The following BDP1 variants were observed in gnomAD, a reference collection of about 807,000 sequenced individuals.
BDP1 encodes the protein BDP1 general transcription factor IIIB subunit, also known as transcription factor TFIIIB component B'' homolog.
Under a neutral mutation model 266.6 loss-of-function variants are expected in BDP1, and 169 were observed. The ratio of observed to expected loss-of-function variants is 0.63; its 90% CI spans 0.56 to 0.72. BDP1 has a LOEUF of 0.72. Ranked by LOEUF, BDP1 falls within the 30% of genes least tolerant of loss-of-function variation. BDP1 has a pLI of 0.00. For synonymous variants in BDP1, 1,090 were observed against 1,022.4 expected (o/e 1.07, Z -1.26); for missense variants, 3,015 against 3,053.8 (o/e 0.99, Z 0.30).
At chr5:71,463,369 C>T (rs1330216109) in intron 3 of BDP1, among the ~76,000 whole-genome samples, 5 of 152,112 alleles carry the variant, frequency 3.3e-5, no homozygotes, top group African/African-American at 4.8e-5. Flanking sequence ...CTCAGCATAG[C>T]CCTTTTTCAG....
rs540793877 is a variant in BDP1 at position 71,513,780 on chromosome 5, C to T, written c.4470+373C>T. On this transcript the variant is annotated intron_variant, in intron 19 of 38. Transcript: ENST00000358731. ...CTGTTCCCAGGCTGGAGTGCAGTGG[C>T]GCGATCTCGGCTCACTGCAACTTCC... 1.3e-4 allele frequency among the ~76,000 whole-genome samples: 19 copies of T among 151,852 alleles called. No individual in the cohort carries two copies. In the South Asian group the frequency reaches 3.1e-3, roughly 25 times the overall value.
intron 16 of BDP1, among the ~76,000 whole-genome samples, chr5:71,509,134 C>T (rs934744945): frequency 8.5e-5 from 13 of 152,110 alleles, no homozygotes; most frequent in Non-Finnish European, 1.2e-4. Context: ...ATCAATCTAG[C>T]TCCAATGCAG....
chr5:71,486,653 T>A, intron 9 of BDP1, 26 bp downstream of exon 9: 1 of 1,484,408 alleles, frequency 6.7e-7, no homozygotes, highest in Non-Finnish European at 8.9e-7. Flanking sequence ...GGAAGTGTGA[T>A]AGTTTACTTA....
chr5:71,526,615 CAAAAAAAAAAA>C lies in BDP1; in HGVS notation c.5772+2303_5772+2313del, dbSNP rs752124588. 4.2e-3 allele frequency among the ~76,000 whole-genome samples: 210 copies of C among 49,868 alleles called. 2 individuals carry two copies. The highest frequency in any genetic ancestry group is 0.014 in the South Asian group (12 of 856). 32.7% of individuals were successfully genotyped at this position (49,868 alleles called of 152,430 possible). ...TGGGAGACAGAGCGAGACTCTATCT[CAAAAAAAAAAA>C]AAAAAAAAAAGAAGAGTGCTAAAAT... On this transcript the variant is annotated intron_variant, in intron 25 of 38. Transcript: ENST00000358731.
intron 2 of BDP1, among the ~76,000 whole-genome samples, chr5:71,460,737 G>A (rs188451148): frequency 4.0e-4 from 61 of 152,134 alleles, no homozygotes; most frequent in South Asian, 2.5e-3. Context: ...TGGGAATTGG[G>A]GGTGGGGGGA....
At chr5:71,502,843 T>C in intron 15 of BDP1, 52 bp downstream of exon 15, 1 of 1,369,160 alleles carries the variant, frequency 7.3e-7, no homozygotes, top group Non-Finnish European at 1.0e-6. Flanking sequence ...ACATGAGCCT[T>C]AATATAAGCT....
rs796406557 is a variant in BDP1, at chr5:71,508,632, A to G, written c.2373-833A>G. The stretch of plus-strand genomic sequence containing the variant: ...TGAATGTATAGTTATATACCTGTTC[A>G]GTCCGACATGGCCGAATACAATCTA... On this transcript the variant is annotated intron_variant, in intron 16 of 38. Transcript: ENST00000358731. Among the ~76,000 whole-genome samples the G allele has an allele frequency of 4.5e-4, 68 of 152,310 alleles. 1 individual carries two copies. Among genetic ancestry groups the G allele is most frequent in the African/African-American group, 1.6e-3 (67 of 41,552 alleles).
At chr5:71,523,820 G>A (rs1765631071) in intron 24 of BDP1, 119 bp from the exon 25 acceptor site, 1 of 963,302 alleles carries the variant, frequency 1.0e-6, no homozygotes, top group Non-Finnish European at 1.5e-6. Flanking sequence ...TTAAAAGAAT[G>A]GGTGGTGGGA....
At chr5:71,518,068 TGAA>T (rs1283393348) in intron 22 of BDP1, among the ~76,000 whole-genome samples, 1 of 152,116 alleles carries the variant, frequency 6.6e-6, no homozygotes, top group Non-Finnish European at 1.5e-5. Flanking sequence ...GCTAGTAGGG[TGAA>T]GAAGTTTTAA....
intron 32 of BDP1, among the ~76,000 whole-genome samples, chr5:71,548,251 C>T (rs1401303515): frequency 6.6e-6 from 1 of 152,102 alleles, no homozygotes; most frequent in East Asian, 1.9e-4. Context: ...AGATTTTAAG[C>T]AGTAGAGAAT....
rs192306410 is a variant in BDP1 at position 71,499,868 on chromosome 5, G to A, written c.1957-1694G>A. 2.6e-3 allele frequency among the ~76,000 whole-genome samples: 392 copies of A among 152,266 alleles called. 2 individuals carry two copies. The highest frequency in any genetic ancestry group is 8.3e-3 in the African/African-American group (343 of 41,558). On this transcript the variant is annotated intron_variant, in intron 13 of 38. Transcript: ENST00000358731. ...AAACAAAGTATAAATTTCTAGAGAC[G>A]GGTGGGATCGTTGGGTCAAATAATG...
intron 36 of BDP1, among the ~76,000 whole-genome samples, chr5:71,558,944 A>G (rs143112920): frequency 1.3e-5 from 2 of 152,246 alleles, no homozygotes; most frequent in African/African-American, 4.8e-5. Context: ...ACTTGAGGTC[A>G]GGAGTTCGGG....
chr5:71,518,041 T>C (rs1765311446), intron 22 of BDP1, among the ~76,000 whole-genome samples: 2 of 152,250 alleles, frequency 1.3e-5, no homozygotes, highest in Non-Finnish European at 2.9e-5. Flanking sequence ...AAGAATGATA[T>C]CTTTTAATTG....
Position 71,464,588 on chromosome 5 carries a change from C to G in BDP1, c.659+471C>G, listed in dbSNP as rs1761778422. ...ACAGGATGTTGCTGTGTCACCTAGGCTGGAGTGCAGTGGTGTGAACATAGC... is the reference window on the plus strand; with the variant it reads ...ACAGGATGTTGCTGTGTCACCTAGGGTGGAGTGCAGTGGTGTGAACATAGC... On this transcript the variant is annotated intron_variant, in intron 4 of 38. Transcript: ENST00000358731. Among the ~76,000 whole-genome samples, 3 of 151,692 alleles carry G rather than the reference C, an allele frequency of 2.0e-5. No homozygotes were observed. In the South Asian group the frequency reaches 6.3e-4, roughly 32 times the overall value.
intron 30 of BDP1, among the ~76,000 whole-genome samples, chr5:71,543,547 A>G (rs1371055245): frequency 6.6e-6 from 1 of 152,204 alleles, no homozygotes; most frequent in Non-Finnish European, 1.5e-5. Context: ...TTGCCACTGC[A>G]CTCTAGCCTG....
At chr5:71,543,477 G>C (rs1767091933) in intron 30 of BDP1, among the ~76,000 whole-genome samples, 7 of 152,134 alleles carry the variant, frequency 4.6e-5, no homozygotes. Flanking sequence ...GCACACACCT[G>C]TGGTCCCAGC....
chr5:71,457,870 A>G (rs911573056), intron 1 of BDP1, among the ~76,000 whole-genome samples: 1 of 152,252 alleles, frequency 6.6e-6, no homozygotes, highest in Non-Finnish European at 1.5e-5. Context: ...TCTTTTCTTG[A>G]CTTAAGTTGC....
intron 16 of BDP1, among the ~76,000 whole-genome samples, chr5:71,507,282 G>C (rs540734481): frequency 3.3e-5 from 5 of 152,054 alleles, no homozygotes; most frequent in Non-Finnish European, 5.9e-5. Context: ...AGGAAAGTTC[G>C]TAGATCCACT....
intron 25 of BDP1, among the ~76,000 whole-genome samples, chr5:71,528,176 C>T (rs1766028996): frequency 6.6e-6 from 1 of 152,132 alleles, no homozygotes; most frequent in Non-Finnish European, 1.5e-5. Flanking sequence ...TACTGTTTTT[C>T]ATAGGGCTGT....
Sources: gnomAD v4.1 joint callset for allele counts (sites outside exome capture counted in the v4.1 genomes callset) on GRCh38, gnomAD v4.1.1 for gene constraint, MANE v1.5 for transcripts, NCBI Gene and HGNC (gene_info 2026-07-23, HGNC 2026-07-21) for gene names.